Variants in HNF4G observed in about 807,000 individuals in gnomAD.
The protein encoded by HNF4G is hepatocyte nuclear factor 4 gamma.
Under a neutral mutation model 50.9 loss-of-function variants are expected in HNF4G, and 21 were observed. The ratio of observed to expected loss-of-function variants is 0.41; its 90% CI spans 0.29 to 0.59. HNF4G has a LOEUF of 0.59. Ranked by LOEUF, HNF4G falls within the 20% of genes least tolerant of loss-of-function variation. HNF4G has a pLI of 0.26. For synonymous variants in HNF4G, 198 were observed against 185.6 expected (o/e 1.07, Z -0.54); for missense variants, 527 against 559.4 (o/e 0.94, Z 0.58).
chr8:75,521,867 C>T (rs1806052302), intron 2 of HNF4G, among the ~76,000 whole-genome samples: 1 of 152,084 alleles, frequency 6.6e-6, no homozygotes, highest in South Asian at 2.1e-4. Context: ...TTGTATGTCT[C>T]CATTCCCCCC....
chr8:75,409,847 T>G (rs768677745), intron 1 of HNF4G, among the ~76,000 whole-genome samples: 17 of 152,220 alleles, frequency 1.1e-4, no homozygotes, highest in Non-Finnish European at 1.8e-4. Flanking sequence ...TATTTTCTCA[T>G]AAAACAACAT....
intron 2 of HNF4G, among the ~76,000 whole-genome samples, chr8:75,519,498 T>G (rs1231957184): frequency 1.3e-5 from 2 of 152,148 alleles, no homozygotes; most frequent in South Asian, 2.1e-4. Context: ...ACTGGGTAAT[T>G]TATAAAAGAA....
At chr8:75,481,378 C>G (rs1162542828) in intron 1 of HNF4G, among the ~76,000 whole-genome samples, 1 of 152,148 alleles carries the variant, frequency 6.6e-6, no homozygotes, top group African/African-American at 2.4e-5. Flanking sequence ...GCTCTTCTTA[C>G]TAGTAGAAAT....
intron 2 of HNF4G, among the ~76,000 whole-genome samples, chr8:75,504,889 T>C (rs1399748194): frequency 2.0e-5 from 3 of 152,162 alleles, no homozygotes; most frequent in Admixed American, 6.5e-5. Context: ...ATCTAATCTG[T>C]TTCACTTTAT....
chr8:75,491,481 CT>C (rs554884968), intron 2 of HNF4G, among the ~76,000 whole-genome samples: 143 of 144,164 alleles, frequency 9.9e-4, no homozygotes, highest in Admixed American at 1.3e-3. Context: ...CTTTTCTTTC[CT>C]TTTTTTTTTT....
At chr8:75,429,602 A>G (rs1810960367) in intron 1 of HNF4G, among the ~76,000 whole-genome samples, 1 of 152,194 alleles carries the variant, frequency 6.6e-6, no homozygotes. Context: ...TGAAGCTGGT[A>G]GTATCTAATG....
upstream of HNF4G, among the ~76,000 whole-genome samples, chr8:75,539,167 A>C (rs757571287): frequency 2.0e-5 from 3 of 152,198 alleles, no homozygotes; most frequent in Non-Finnish European, 4.4e-5. Context: ...GGATAATTTT[A>C]TTTCAGTTTA....
intron 1 of HNF4G, among the ~76,000 whole-genome samples, chr8:75,411,176 C>T (rs561124538): frequency 1.7e-4 from 26 of 152,298 alleles, no homozygotes; most frequent in East Asian, 1.4e-3. Flanking sequence ...AGGTCGTGAA[C>T]GTAACTATGG....
chr8:75,424,541 C>A (rs1810847816), intron 1 of HNF4G, among the ~76,000 whole-genome samples: 1 of 152,108 alleles, frequency 6.6e-6, no homozygotes, highest in South Asian at 2.1e-4. Flanking sequence ...CCCTTTCTCT[C>A]CCTCCCACCT....
At chr8:75,423,608 T>C (rs1810823698) in intron 1 of HNF4G, among the ~76,000 whole-genome samples, 1 of 151,916 alleles carries the variant, frequency 6.6e-6, no homozygotes, top group Admixed American at 6.6e-5. Context: ...GCCAGGATGG[T>C]CTTGATCTCC....
chr8:75,551,591 A>T (rs1028555549), intron 4 of HNF4G, 97 bp downstream of exon 4: 7 of 691,256 alleles, frequency 1.0e-5, no homozygotes, highest in Admixed American at 4.6e-5. Flanking sequence ...AAAGGTGCTC[A>T]TTACTAAAAT....
chr8:75,467,096 A>G, intron 1 of HNF4G, among the ~76,000 whole-genome samples: 1 of 152,100 alleles, frequency 6.6e-6, no homozygotes, highest in South Asian at 2.1e-4. Flanking sequence ...AGTCTTACAT[A>G]ATCTTCCTAT....
intron 1 of HNF4G, among the ~76,000 whole-genome samples, chr8:75,477,287 A>AT (rs1250922406): frequency 1.3e-5 from 2 of 152,270 alleles, no homozygotes; most frequent in South Asian, 2.1e-4. Flanking sequence ...TCTTAGGTTA[A>AT]TTTTTTTAAC....
chr8:75,540,898 G>T (rs1011459162), intron 1 of HNF4G, among the ~76,000 whole-genome samples: 9 of 145,140 alleles, frequency 6.2e-5, no homozygotes, highest in Non-Finnish European at 1.4e-4. Flanking sequence ...GCAAGATTGA[G>T]AATATATCTT....
At chr8:75,460,956 C>A (rs1407074159) in intron 1 of HNF4G, among the ~76,000 whole-genome samples, 4 of 152,128 alleles carry the variant, frequency 2.6e-5, no homozygotes, top group Non-Finnish European at 1.5e-5. Flanking sequence ...TAATATCGAC[C>A]CTTTAATGAG....
intron 2 of HNF4G, among the ~76,000 whole-genome samples, chr8:75,546,863 T>C (rs553813613): frequency 5.8e-4 from 89 of 152,280 alleles, no homozygotes; most frequent in African/African-American, 2.1e-3. Context: ...TGTACATATG[T>C]TTCATTTCTC....
Position 75,533,951 on chromosome 8 carries a change from A to G in HNF4G, c.-23-9860A>G, listed in dbSNP as rs563422135. ...ATCTGGTTTCCAGATGCTAAAGTGT[A>G]TGTTCATTATAGTACATTATAGTTC... On this transcript the variant is annotated intron_variant, in intron 2 of 10. Coordinates refer to the HNF4G transcript ENST00000354370. Among the ~76,000 whole-genome samples the G allele has an allele frequency of 2.6e-5, 4 of 151,994 alleles. No individual in the cohort carries two copies. The East Asian group carries it at 5.8e-4, about 22-fold the overall frequency.
intron 1 of HNF4G, among the ~76,000 whole-genome samples, chr8:75,476,947 A>G (rs1319404457): frequency 6.6e-6 from 1 of 152,194 alleles, no homozygotes; most frequent in African/African-American, 2.4e-5. Context: ...GATAGATTCA[A>G]TTGAAAACTA....
chr8:75,489,838 G>T (rs1261330241), intron 1 of HNF4G, among the ~76,000 whole-genome samples: 1 of 152,156 alleles, frequency 6.6e-6, no homozygotes, highest in Non-Finnish European at 1.5e-5. Context: ...CAGATATTAT[G>T]TCTATCATGA....
Sources: allele counts gnomAD v4.1 joint callset (sites outside exome capture counted in the v4.1 genomes callset), GRCh38; gene constraint gnomAD v4.1.1; transcripts MANE v1.5; gene names NCBI Gene and HGNC (gene_info 2026-07-23, HGNC 2026-07-21).